Variants in CDK5RAP2 observed in about 807,000 individuals in gnomAD.
CDK5RAP2 encodes the protein CDK5 regulatory subunit associated protein 2, also known as CDK5 regulatory subunit-associated protein 2.
A neutral mutation model predicts 232.9 loss-of-function variants in CDK5RAP2; 147 were observed. The ratio of observed to expected loss-of-function variants is 0.63; its 90% confidence interval spans 0.55 to 0.72. The LOEUF is 0.72. Ranked by LOEUF, CDK5RAP2 falls within the 30% of genes least tolerant of loss-of-function variation. The probability of loss-of-function intolerance (pLI) is 0.00; values close to 1 mark genes in which losing one functional copy is unlikely to be tolerated. For synonymous variants in CDK5RAP2, 833 were observed against 833.7 expected, an observed-to-expected ratio of 1.00 and a Z score of 0.01; for missense variants, 2,195 against 2,231.5, an observed-to-expected ratio of 0.98 and a Z score of 0.33.
At chr9:120,535,706 G>A (rs1016820315) in intron 7 of CDK5RAP2, among the ~76,000 whole-genome samples, 4 of 152,098 alleles carry the variant, frequency 2.6e-5, no homozygotes, top group Admixed American at 1.3e-4. Context: ...CAAAAATTTC[G>A]TTGCAAAATA....
intron 25 of CDK5RAP2, among the ~76,000 whole-genome samples, chr9:120,426,005 G>A (rs144386918): frequency 1.3e-5 from 2 of 152,292 alleles, no homozygotes; most frequent in African/African-American, 2.4e-5. Flanking sequence ...GGAACATTTC[G>A]GGGAGGTGGC....
At chr9:120,579,274 T>C (rs573146823) in intron 1 of CDK5RAP2, among the ~76,000 whole-genome samples, 54 of 152,346 alleles carry the variant, frequency 3.5e-4, no homozygotes, top group African/African-American at 1.3e-3. Flanking sequence ...GCACTACACC[T>C]GCCAAGCAAA....
chr9:120,526,139 G>A (rs1429493128), intron 10 of CDK5RAP2, among the ~76,000 whole-genome samples: 1 of 152,092 alleles, frequency 6.6e-6, no homozygotes, highest in Non-Finnish European at 1.5e-5. Context: ...TAGATAAGTA[G>A]GTCAACTCTC....
intron 12 of CDK5RAP2, among the ~76,000 whole-genome samples, chr9:120,494,473 G>A (rs2039059294): frequency 6.6e-6 from 1 of 152,118 alleles, no homozygotes; most frequent in South Asian, 2.1e-4. Flanking sequence ...TGTTGAAAAG[G>A]CACAGGAATC....
chr9:120,402,967 G>A lies in CDK5RAP2; in HGVS notation c.5146C>T (p.His1716Tyr). Reference protein sequence around the residue: ...TPCVSRLVTGHHLWASKNGRH... With the variant: ...TPCVSRLVTGYHLWASKNGRH... ...CCATTCTTGCTGGCCCACAGGTGGT[G>A]GCCAGTGACCAGGCGGGACACACAC... Residue 1716 changes from histidine to tyrosine, a missense_variant, in exon 34 of 38, where the codon CAC (histidine) becomes TAC (tyrosine). Physicochemically the swap from His to Tyr is moderately conservative, Grantham distance 83. Coordinates refer to ENST00000349780, the MANE Select transcript of CDK5RAP2 (RefSeq NM_018249.6). 3 of 1,614,172 alleles carry A rather than the reference G, an allele frequency of 1.9e-6. No homozygotes were observed. Among genetic ancestry groups the A allele is most frequent in the Admixed American group, 1.7e-5 (1 of 60,022 alleles).
rs1331848517 is a variant in CDK5RAP2, at chr9:120,408,335, G to A, written c.4726+12C>T. On this transcript the variant is annotated intron_variant, in intron 31 of 37. Transcript: ENST00000349780. ...AAGCACAGTAGCCTCAAGGTGAGAAGGGCCTCAGTACCTCTCAGTCTCCTG... is the reference window on the plus strand; with the variant it reads ...AAGCACAGTAGCCTCAAGGTGAGAAAGGCCTCAGTACCTCTCAGTCTCCTG... 1 of 1,613,686 alleles carries A rather than the reference G, an allele frequency of 6.2e-7. No homozygotes were observed. The highest frequency in any genetic ancestry group is 2.2e-5 in the East Asian group (1 of 44,882).
At chr9:120,426,644 C>A (rs1462966539) in intron 25 of CDK5RAP2, among the ~76,000 whole-genome samples, 1 of 152,118 alleles carries the variant, frequency 6.6e-6, no homozygotes, top group Admixed American at 6.5e-5. Context: ...GGACTCTCAG[C>A]CAATCTCTTC....
At chr9:120,559,213 G>A (rs1225441290) in intron 3 of CDK5RAP2, among the ~76,000 whole-genome samples, 1 of 152,110 alleles carries the variant, frequency 6.6e-6, no homozygotes, top group East Asian at 1.9e-4. Flanking sequence ...TTGAGGCCGG[G>A]CACGGTGGCT....
chr9:120,433,656 GAACT>G (rs1467199197), intron 25 of CDK5RAP2, among the ~76,000 whole-genome samples: 9 of 152,154 alleles, frequency 5.9e-5, no homozygotes, highest in Non-Finnish European at 1.5e-5. Flanking sequence ...CTATAAAACT[GAACT>G]AATACATTGT....
At chr9:120,527,741 G>A (rs913734546) in intron 10 of CDK5RAP2, 65 bp downstream of exon 10, 12 of 1,582,790 alleles carry the variant, frequency 7.6e-6, no homozygotes, top group Non-Finnish European at 1.0e-5. Flanking sequence ...TAAAAATTCA[G>A]GGTAGGACAG....
intron 21 of CDK5RAP2, among the ~76,000 whole-genome samples, chr9:120,452,857 C>T (rs1189871863): frequency 6.6e-6 from 1 of 152,042 alleles, no homozygotes; most frequent in Non-Finnish European, 1.5e-5. Flanking sequence ...ACAACGGGAA[C>T]ATGGGGTGTG....
intron 14 of CDK5RAP2, among the ~76,000 whole-genome samples, chr9:120,480,542 A>T (rs1247814256): frequency 6.6e-6 from 1 of 152,236 alleles, no homozygotes; most frequent in Non-Finnish European, 1.5e-5. Flanking sequence ...CTTACTATTT[A>T]ACATATTAAT....
At chr9:120,430,740 G>C (rs201414752) in intron 25 of CDK5RAP2, among the ~76,000 whole-genome samples, 5,400 of 151,228 alleles carry the variant, frequency 0.036, 115 homozygotes, top group African/African-American at 0.057. Flanking sequence ...AATACCATTT[G>C]ACCCAGCCAT....
In CDK5RAP2 at chr9:120,440,233, A is replaced by C. The variant is rs531845047; in HGVS notation, c.3149-261T>G. On this transcript the variant is annotated intron_variant, in intron 23 of 37. Coordinates refer to ENST00000349780, the MANE Select transcript of CDK5RAP2 (RefSeq NM_018249.6). ...AGTGACTGTTCTAAAAAGTAATTTT[A>C]ACCATGATAAACCCACACACACACC... is the stretch of plus-strand genomic sequence containing the variant. 4.2e-4 allele frequency: 222 copies of C among 530,744 alleles called. 1 individual carries two copies. The highest frequency in any genetic ancestry group is 3.9e-3 in the African/African-American group (204 of 52,554). The allele number at this position is 530,744 out of a possible 1,614,324, so 32.9% of individuals were successfully genotyped here. A position where few individuals can be genotyped will look rare whatever the true frequency, so the allele number is the denominator to read the frequency against.
intron 17 of CDK5RAP2, among the ~76,000 whole-genome samples, chr9:120,469,312 C>G (rs1017755325): frequency 1.3e-5 from 2 of 152,082 alleles, no homozygotes; most frequent in South Asian, 4.1e-4. Flanking sequence ...GTGAGCTCAC[C>G]CCCCCATCTC....
At chr9:120,401,374 G>A (rs1252334807) in intron 34 of CDK5RAP2, among the ~76,000 whole-genome samples, 5 of 152,050 alleles carry the variant, frequency 3.3e-5, no homozygotes, top group African/African-American at 1.2e-4. Context: ...TTATGTATGT[G>A]ACTCAGAAAA....
At chr9:120,556,058 CA>C (rs1310602457) in intron 3 of CDK5RAP2, among the ~76,000 whole-genome samples, 1 of 150,668 alleles carries the variant, frequency 6.6e-6, no homozygotes, top group Non-Finnish European at 1.5e-5. Context: ...CACAAAGAAG[CA>C]AAAAAAAGGG....
intron 21 of CDK5RAP2, among the ~76,000 whole-genome samples, chr9:120,450,278 C>T (rs2036412935): frequency 6.6e-6 from 1 of 152,124 alleles, no homozygotes; most frequent in Non-Finnish European, 1.5e-5. Flanking sequence ...GACATGATTC[C>T]ATTTATATGA....
At chr9:120,414,959 A>G in intron 28 of CDK5RAP2, 81 bp downstream of exon 28, 2 of 1,524,410 alleles carry the variant, frequency 1.3e-6, no homozygotes, top group Non-Finnish European at 1.8e-6. Context: ...CCTGCTTTGT[A>G]CACAGATGCT....
Sources: allele counts gnomAD v4.1 joint callset (sites outside exome capture counted in the v4.1 genomes callset), GRCh38; gene constraint gnomAD v4.1.1; transcripts MANE v1.5; gene names NCBI Gene and HGNC (gene_info 2026-07-23, HGNC 2026-07-21).